Variants in ITPR2 observed in about 807,000 individuals in gnomAD.
The protein encoded by ITPR2 is inositol 1,4,5-trisphosphate receptor type 2.
Under a neutral mutation model 317.1 loss-of-function variants are expected in ITPR2, and 207 were observed. The observed-to-expected ratio is 0.65, with a 90% CI of 0.58 to 0.73. The LOEUF (loss-of-function observed/expected upper bound fraction) is 0.73, where lower values mean the gene tolerates loss of function less well. Among genes scored for constraint, ITPR2 ranks in the 30% least tolerant of loss-of-function variants. ITPR2 has a pLI of 0.00. For missense variants in ITPR2, 2,613 were observed against 3,284.0 expected (o/e 0.80, Z 4.99); for synonymous variants, 1,156 against 1,149.1 (o/e 1.01, Z -0.12).
At chr12:26,452,245 GT>G (rs35964202) in intron 45 of ITPR2, among the ~76,000 whole-genome samples, 5,918 of 146,256 alleles carry the variant, frequency 0.04, 243 homozygotes, top group East Asian at 0.2. Flanking sequence ...AAATCCACCA[GT>G]TTTTTTTTTT....
In ITPR2 at chr12:26,761,741, G is replaced by C. The variant is rs376281719; in HGVS notation, c.163+28416C>G. ...TAGTCCGGGGATTCAAGGCTGTACT[G>C]AACTATGATCATGCCAACACACTTC... is the stretch of plus-strand genomic sequence containing the variant. On this transcript the variant is annotated intron_variant, in intron 2 of 56. Transcript: ENST00000381340. Among the ~76,000 whole-genome samples the C allele has an allele frequency of 2.6e-5, 4 of 152,322 alleles. No individual in the cohort carries two copies. The East Asian group carries it at 5.8e-4, about 22-fold the overall frequency.
intron 55 of ITPR2, among the ~76,000 whole-genome samples, chr12:26,345,687 T>C (rs1938286692): frequency 6.6e-6 from 1 of 152,206 alleles, no homozygotes; most frequent in South Asian, 2.1e-4. Context: ...GCCAATTAAA[T>C]ACTCAGAGGT....
intron 2 of ITPR2, among the ~76,000 whole-genome samples, chr12:26,789,597 T>C (rs10506011): frequency 0.16 from 24,578 of 152,258 alleles, 2,714 homozygotes; most frequent in Non-Finnish European, 0.24. Flanking sequence ...ATAGATTCCA[T>C]TAATCCTTCT....
chr12:26,568,102 A>G (rs1235216268), intron 34 of ITPR2, among the ~76,000 whole-genome samples: 14 of 148,814 alleles, frequency 9.4e-5, no homozygotes, highest in African/African-American at 3.0e-4. Flanking sequence ...CTGTCTCTCA[A>G]TAAGGAAGAG....
At chr12:26,688,978 G>T (rs953437955) in intron 10 of ITPR2, among the ~76,000 whole-genome samples, 13 of 152,152 alleles carry the variant, frequency 8.5e-5, no homozygotes, top group Admixed American at 7.9e-4. Flanking sequence ...TGCTAAGAGA[G>T]TCAATTTTAG....
intron 21 of ITPR2, among the ~76,000 whole-genome samples, chr12:26,653,501 A>G (rs1415087629): frequency 1.3e-5 from 2 of 152,042 alleles, no homozygotes; most frequent in Non-Finnish European, 2.9e-5. Context: ...TGGCCTCCCA[A>G]AGTGCTAGGA....
intron 26 of ITPR2, among the ~76,000 whole-genome samples, chr12:26,607,823 G>A (rs1946171308): frequency 1.3e-5 from 2 of 152,134 alleles, no homozygotes; most frequent in Non-Finnish European, 2.9e-5. Flanking sequence ...GCTCACACCC[G>A]TAATCCCAGC....
At chr12:26,789,911 T>C (rs1272828829) in intron 2 of ITPR2, among the ~76,000 whole-genome samples, 1 of 152,224 alleles carries the variant, frequency 6.6e-6, no homozygotes, top group Non-Finnish European at 1.5e-5. Flanking sequence ...CACAGTTAAT[T>C]ACCAAGATTT....
At chr12:26,784,532 C>T (rs1450241919) in intron 2 of ITPR2, among the ~76,000 whole-genome samples, 23 of 150,126 alleles carry the variant, frequency 1.5e-4, no homozygotes, top group South Asian at 2.1e-4. Context: ...TTGGTGGAGA[C>T]GGGGTTTTGC....
chr12:26,753,971 G>C (rs1236926943), intron 2 of ITPR2, among the ~76,000 whole-genome samples: 1 of 152,092 alleles, frequency 6.6e-6, no homozygotes, highest in Non-Finnish European at 1.5e-5. Flanking sequence ...CCAAGCTTAG[G>C]GGATAAGTCC....
intron 1 of ITPR2, among the ~76,000 whole-genome samples, chr12:26,803,606 TAGTA>T (rs1950596363): frequency 6.6e-6 from 1 of 152,196 alleles, no homozygotes; most frequent in South Asian, 2.1e-4. Flanking sequence ...ATAATCCAGT[TAGTA>T]AGAGCTCCTA....
chr12:26,381,514 A>G (rs1269527205), intron 55 of ITPR2, among the ~76,000 whole-genome samples: 1 of 152,236 alleles, frequency 6.6e-6, no homozygotes, highest in Admixed American at 6.5e-5. Context: ...TACATATTAC[A>G]GATATTACCT....
chr12:26,472,858 C>T (rs1262411515), intron 45 of ITPR2, among the ~76,000 whole-genome samples: 1 of 151,906 alleles, frequency 6.6e-6, no homozygotes, highest in Non-Finnish European at 1.5e-5. Flanking sequence ...AATTTGTATT[C>T]TGTACTCTGT....
chr12:26,734,645 T>G (rs1478749139), intron 2 of ITPR2, among the ~76,000 whole-genome samples: 1 of 150,506 alleles, frequency 6.6e-6, no homozygotes, highest in East Asian at 1.9e-4. Flanking sequence ...AAAAAAAGTC[T>G]AACACAGGGT....
At chr12:26,699,577 T>C (rs113726111) in intron 9 of ITPR2, among the ~76,000 whole-genome samples, 22 of 152,202 alleles carry the variant, frequency 1.4e-4, no homozygotes, top group African/African-American at 4.8e-4. Flanking sequence ...GGCTGCAATA[T>C]GATTTTTTAA....
intron 41 of ITPR2, among the ~76,000 whole-genome samples, chr12:26,484,466 T>A (rs1942617612): frequency 6.6e-6 from 1 of 152,186 alleles, no homozygotes; most frequent in East Asian, 1.9e-4. Flanking sequence ...TTTTTCTAGA[T>A]ATATGTACAT....
At chr12:26,610,748 G>C (rs1946243772) in intron 26 of ITPR2, among the ~76,000 whole-genome samples, 1 of 152,134 alleles carries the variant, frequency 6.6e-6, no homozygotes, top group African/African-American at 2.4e-5. Context: ...AATAATCATA[G>C]AGATAGTGAG....
rs116538696 is a variant in ITPR2 at position 26,533,272 on chromosome 12, C to T, written c.5073+16975G>A. The stretch of plus-strand genomic sequence containing the variant: ...TCACTTGAGTTTTTATTCCAATCAA[C>T]TGGTTTTTTTCAACCTTAACCTAAG... On this transcript the variant is annotated intron_variant, in intron 37 of 56. Coordinates refer to ENST00000381340, the MANE Select transcript of ITPR2 (RefSeq NM_002223.4). Among the ~76,000 whole-genome samples the T allele has an allele frequency of 5.8e-3, 877 of 152,310 alleles. 11 individuals are homozygous for T. Among genetic ancestry groups the T allele is most frequent in the African/African-American group, 0.02 (834 of 41,552 alleles).
intron 32 of ITPR2, among the ~76,000 whole-genome samples, chr12:26,590,872 G>C (rs1412064868): frequency 2.0e-5 from 3 of 152,086 alleles, no homozygotes; most frequent in Non-Finnish European, 4.4e-5. Context: ...TTGAGGTCAG[G>C]AGTTCAAGAC....
Sources: allele counts gnomAD v4.1 joint callset (sites outside exome capture counted in the v4.1 genomes callset), GRCh38; gene constraint gnomAD v4.1.1; transcripts MANE v1.5; gene names NCBI Gene and HGNC (gene_info 2026-07-23, HGNC 2026-07-21).